The following ALAD variants were observed in gnomAD, a reference collection of about 807,000 sequenced individuals.
ALAD encodes aminolevulinate dehydratase.
Under a neutral mutation model 44.4 loss-of-function variants are expected in ALAD, and 20 were observed. The ratio of observed to expected loss-of-function variants is 0.45; its 90% CI spans 0.32 to 0.65. The LOEUF (loss-of-function observed/expected upper bound fraction) is 0.65, where lower values mean the gene tolerates loss of function less well. Among genes scored for constraint, ALAD ranks in the 30% least tolerant of loss-of-function variants. The probability of loss-of-function intolerance (pLI) is 0.05; values close to 1 mark genes in which losing one functional copy is unlikely to be tolerated. For synonymous variants in ALAD, 156 were observed against 167.9 expected (o/e 0.93, Z 0.55); for missense variants, 323 against 445.7 (o/e 0.72, Z 2.48).
chr9:113,390,769 G>A (rs1328174466), intron 5 of ALAD, 29 bp downstream of exon 5: 4 of 1,600,432 alleles, frequency 2.5e-6, no homozygotes, highest in East Asian at 4.5e-5. Flanking sequence ...GTGGGTGGCA[G>A]CAGGGCTGGT....
chr9:113,389,364 C>T, intron 10 of ALAD, 74 bp downstream of exon 10: 2 of 1,569,316 alleles, frequency 1.3e-6, no homozygotes, highest in Non-Finnish European at 1.8e-6. Flanking sequence ...CTGCTTCCAA[C>T]TCTGAGATTC....
chr9:113,393,457 T>C lies in ALAD; in HGVS notation c.103A>G (p.Ile35Val). Reference sequence around the variant, plus strand: ...TTCTTGGAGACTCACGTGACAAAGATGGGGTAGATGAGGTTGGAGGCATTG... The same window carrying C: ...TTCTTGGAGACTCACGTGACAAAGACGGGGTAGATGAGGTTGGAGGCATTG... ...TLNASNLIYP[I>V]FVTDVPDDIQ... Residue 35 changes from isoleucine (I) to valine (V), a missense_variant, in exon 2 of 12, where the codon ATC becomes GTC. By Grantham distance (29) the Ile-to-Val change is conservative. Transcript: ENST00000409155. 6.3e-7 allele frequency: 1 copy of C among 1,590,044 alleles called. No individual in the cohort carries two copies. Among genetic ancestry groups the C allele is most frequent in the African/African-American group, 1.3e-5 (1 of 74,696 alleles).
chr9:113,392,105 T>A lies in ALAD; in HGVS notation c.164+14A>T. On this transcript the variant is annotated intron_variant, in intron 3 of 11. Coordinates refer to ENST00000409155, the MANE Select transcript of ALAD (RefSeq NM_000031.6). ...CTCCACCACCCGCTGGCCCCCCAAC[T>A]CCACGTCTCCTACCTGGCCACTCCT... The A allele has an allele frequency of 6.2e-7, 1 of 1,605,380 alleles. No homozygotes were observed.
intron 7 of ALAD, 78 bp downstream of exon 7, chr9:113,390,327 G>T: frequency 6.8e-7 from 1 of 1,476,184 alleles, no homozygotes; most frequent in Non-Finnish European, 9.4e-7. Context: ...CGGCAGTTCT[G>T]TGATTCTTAG....
intron 4 of ALAD, 28 bp from the exon 5 acceptor site, chr9:113,390,961 GTGTCTATTACA>G (rs1235640360): frequency 1.2e-6 from 2 of 1,613,606 alleles, no homozygotes; most frequent in Admixed American, 3.3e-5. Flanking sequence ...ACAAAGCAGT[GTGTCTATTACA>G]TGTAGCTTTG....
At position 113,387,066 on chromosome 9, in the gene ALAD, C is replaced by T. The variant is rs906367642; in HGVS notation, c.*1234G>A. 6.6e-6 allele frequency: 1 copy of T among 152,236 alleles called. No individual in the cohort carries two copies. The highest frequency in any genetic ancestry group is 2.4e-5 in the African/African-American group (1 of 41,448). The allele number at this position is 152,236 out of a possible 1,614,324, so 9.4% of individuals were successfully genotyped here. On this transcript the variant is annotated 3_prime_UTR_variant, in exon 12 of 12. Coordinates refer to ENST00000409155, the MANE Select transcript of ALAD (RefSeq NM_000031.6). Reference sequence around the variant, plus strand: ...TTACAAACTACAAATTTGATTGAGTCACTCTGAAAAGGTGAATGTGGCCCT... The same window carrying T: ...TTACAAACTACAAATTTGATTGAGTTACTCTGAAAAGGTGAATGTGGCCCT...
In ALAD at chr9:113,389,611, A is replaced by G. The variant is rs1307462292; in HGVS notation, c.702T>C (p.Ala234=). 1 of 1,614,142 alleles carries G rather than the reference A, an allele frequency of 6.2e-7. No individual in the cohort carries two copies. Among genetic ancestry groups the G allele is most frequent in the South Asian group, 1.1e-5 (1 of 91,086 alleles). The part of the protein sequence containing the change: ...YQLPPGARGL[A]LRAVDRDVRE... ...CCTAGTCACTCACCACAGCTCGGAG[A>G]GCCAGGCCTCGTGCTCCAGGGGGCA... is the stretch of plus-strand genomic sequence containing the variant. The change falls in exon 9 of 12, where the codon GCT becomes GCC. Residue 234 remains alanine, a synonymous_variant. Transcript: ENST00000409155.
intron 1 of ALAD, among the ~76,000 whole-genome samples, chr9:113,398,634 C>T (rs1827791119): frequency 1.3e-5 from 2 of 152,162 alleles, no homozygotes; most frequent in Admixed American, 6.5e-5. Context: ...TGAAAATTGC[C>T]AATCCTGTTT....
chr9:113,393,293 A>T, intron 2 of ALAD, 154 bp downstream of exon 2: 1 of 696,834 alleles, frequency 1.4e-6, no homozygotes, highest in Non-Finnish European at 2.6e-6. Context: ...TCCTGTCCTT[A>T]ATCCAAGTAG....
chr9:113,393,750 C>T, intron 1 of ALAD, 116 bp from the exon 2 acceptor site: 3 of 571,012 alleles, frequency 5.3e-6, no homozygotes, highest in Non-Finnish European at 9.4e-6. Flanking sequence ...CAATGCTACT[C>T]ACAGCATGGT....
intron 1 of ALAD, among the ~76,000 whole-genome samples, chr9:113,396,037 T>TA (rs1214571952): frequency 1.3e-5 from 2 of 150,762 alleles, no homozygotes; most frequent in Non-Finnish European, 3.0e-5. Context: ...CTACTAAAAA[T>TA]AAAAAAAAAT....
chr9:113,393,370 C>T (rs993689371), intron 2 of ALAD, 77 bp downstream of exon 2: 19 of 1,364,794 alleles, frequency 1.4e-5, no homozygotes, highest in South Asian at 4.7e-5. Context: ...TACTGATGCC[C>T]GCTCCAGTCA....
chr9:113,388,764 G>A (rs893657890), intron 11 of ALAD, among the ~76,000 whole-genome samples: 2 of 152,138 alleles, frequency 1.3e-5, no homozygotes, highest in Non-Finnish European at 2.9e-5. Flanking sequence ...GCTTGCCCAC[G>A]TTCTCACAAC....
chr9:113,391,568 G>A lies in ALAD; in HGVS notation c.220C>T (p.Arg74Cys), dbSNP rs763659395. The change falls in exon 4 of 12, where the codon CGC becomes TGC. Residue 74 changes from arginine (R) to cysteine (C), a missense_variant. Transcript: ENST00000409155. Reference sequence around the variant, plus strand: ...GGGACGCCAAAGATCAAGACACAGCGTAGGCCCTCTTCCACCAAGGGCCTC... The same window carrying A: ...GGGACGCCAAAGATCAAGACACAGCATAGGCCCTCTTCCACCAAGGGCCTC... ...MLRPLVEEGL[R>C]CVLIFGVPSR... is the part of the protein sequence containing the mutation. 19 of 1,613,992 alleles carry A rather than the reference G, an allele frequency of 1.2e-5. No individual in the cohort carries two copies. The highest frequency in any genetic ancestry group is 8.0e-5 in the African/African-American group (6 of 74,916).
chr9:113,391,415 G>C (rs1827580424), intron 4 of ALAD, 112 bp downstream of exon 4: 2 of 899,706 alleles, frequency 2.2e-6, no homozygotes. Context: ...TGTTGTCCAG[G>C]CTGGTCTCAA....
In ALAD at chr9:113,391,547, C is replaced by T. The variant is rs200963049; in HGVS notation, c.241G>A (p.Val81Ile). ...TTCACCTTGGGAACTCTGCTGGGGA[C>T]GCCAAAGATCAAGACACAGCGTAGG... ...EGLRCVLIFGVPSRVPKDERG... is the reference protein window; with the variant it reads ...EGLRCVLIFGIPSRVPKDERG... The change falls in exon 4 of 12, where the codon GTC (valine) becomes ATC (isoleucine). Residue 81 changes from valine to isoleucine, a missense_variant. Val to Ile is a conservative substitution (Grantham distance 29). Transcript: ENST00000409155. 77 of 1,614,014 alleles carry T rather than the reference C, an allele frequency of 4.8e-5. No homozygotes were observed. The East Asian group carries it at 8.9e-4, about 19-fold the overall frequency.
At chr9:113,389,288 G>C in intron 10 of ALAD, 150 bp downstream of exon 10, 1 of 1,305,242 alleles carries the variant, frequency 7.7e-7, no homozygotes, top group South Asian at 1.3e-5. Flanking sequence ...TGCAAGCCCC[G>C]ACATAGAAGG....
intron 1 of ALAD, among the ~76,000 whole-genome samples, chr9:113,399,024 G>A (rs1443400266): frequency 6.6e-6 from 1 of 152,162 alleles, no homozygotes; most frequent in Non-Finnish European, 1.5e-5. Flanking sequence ...AGACAGGAGC[G>A]AGCCGCCAGG....
chr9:113,389,652 G>A lies in ALAD; in HGVS notation c.661C>T (p.Arg221Cys), dbSNP rs777855664. 21 of 1,614,068 alleles carry A rather than the reference G, an allele frequency of 1.3e-5. No individual in the cohort carries two copies. Among genetic ancestry groups the A allele is most frequent in the South Asian group, 4.4e-5 (4 of 91,092 alleles). ...CCAGGGGGCAGCTGGTAGCAGCGGC[G>A]GTCCCCAAAAGCTGGGCTTGACTTA... Reference protein sequence around the residue: ...AAKSSPAFGDRRCYQLPPGAR... With the variant: ...AAKSSPAFGDCRCYQLPPGAR... The change falls in exon 9 of 12, where the codon CGC becomes TGC. Residue 221 changes from arginine (R) to cysteine (C), a missense_variant. Coordinates refer to ENST00000409155, the MANE Select transcript of ALAD (RefSeq NM_000031.6).
Sources: gnomAD v4.1 joint callset for allele counts (sites outside exome capture counted in the v4.1 genomes callset) on GRCh38, gnomAD v4.1.1 for gene constraint, MANE v1.5 for transcripts, NCBI Gene and HGNC (gene_info 2026-07-23, HGNC 2026-07-21) for gene names.